The following NOP9 variants were observed in gnomAD, a reference collection of about 807,000 sequenced individuals.
The protein encoded by NOP9 is nucleolar protein 9.
Under a neutral mutation model 63.0 loss-of-function variants are expected in NOP9, and 50 were observed. The ratio of observed to expected loss-of-function variants is 0.79; its 90% confidence interval spans 0.63 to 1.00. The LOEUF is 1.00. Among genes scored for constraint, NOP9 ranks in the 50% least tolerant of loss-of-function variants. The pLI is 0.00. For missense variants in NOP9, 758 were observed against 803.0 expected (o/e 0.94, Z 0.68); for synonymous variants, 343 against 332.8 (o/e 1.03, Z -0.33).
rs1187609916 is a variant in NOP9, at chr14:24,304,480, T to G, written c.1648-13T>G. On this transcript the variant is annotated splice_polypyrimidine_tract_variant and intron_variant, in intron 8 of 9. Transcript: ENST00000267425. The stretch of plus-strand genomic sequence containing the variant: ...TTTTGCTAGGGAGACCTACTTTGCT[T>G]GTCTCCATACAGGGACAATATGTGG... 6.3e-7 allele frequency: 1 copy of G among 1,587,890 alleles called. No homozygotes were observed. The highest frequency in any genetic ancestry group is 8.5e-7 in the Non-Finnish European group (1 of 1,169,628).
chr14:24,307,327 T>G lies in NOP9; in HGVS notation c.*2232T>G. 5 of 1,580,076 alleles carry G rather than the reference T, an allele frequency of 3.2e-6. No individual in the cohort carries two copies. Among genetic ancestry groups the G allele is most frequent in the Non-Finnish European group, 3.4e-6 (4 of 1,160,572 alleles). On this transcript the variant is annotated 3_prime_UTR_variant, in exon 10 of 10. Transcript: ENST00000267425. ...CAAGTTGCCACTGTTGTGGAGCCCC[T>G]TGGCTACCCCTGCTATAGGAACCGA...
chr14:24,293,023 G>C, the NOP9 span: 2 of 492,514 alleles, frequency 4.1e-6, no homozygotes, highest in Admixed American at 4.0e-5. Flanking sequence ...GAACGCAAGA[G>C]CCCTGTCACA....
the NOP9 span, chr14:24,293,727 G>A: frequency 1.3e-5 from 2 of 151,798 alleles, no homozygotes; most frequent in African/African-American, 4.8e-5. Context: ...GGTGGCTTAT[G>A]CCTGTAATCC....
chr14:24,282,836 G>A, the NOP9 span, among the ~76,000 whole-genome samples: 132 of 152,272 alleles, frequency 8.7e-4, no homozygotes, highest in African/African-American at 3.1e-3. Context: ...TCCACTGCTG[G>A]CATTTAAGTC....
the NOP9 span, among the ~76,000 whole-genome samples, chr14:24,273,764 A>T: frequency 2.6e-5 from 4 of 152,180 alleles, no homozygotes; most frequent in Non-Finnish European, 2.9e-5. Flanking sequence ...AAGAACATGG[A>T]TCCTGGAGCC....
chr14:24,303,704 G>C (rs774987469), intron 6 of NOP9, 28 bp from the exon 7 acceptor site: 4 of 1,603,392 alleles, frequency 2.5e-6, no homozygotes, highest in East Asian at 4.5e-5. Context: ...AAGTTCTCAG[G>C]TTCATCATAT....
the NOP9 span, among the ~76,000 whole-genome samples, chr14:24,282,333 A>G: frequency 8.3e-4 from 126 of 152,356 alleles, 1 homozygote; most frequent in Non-Finnish European, 1.4e-3. Flanking sequence ...TAAGTTACTT[A>G]GAATTTCTGA....
chr14:24,273,473 CCCG>C, the NOP9 span, among the ~76,000 whole-genome samples: 2 of 152,342 alleles, frequency 1.3e-5, no homozygotes, highest in African/African-American at 4.8e-5. Context: ...GCCACCATGC[CCCG>C]CCAGTGCTTT....
Position 24,307,381 on chromosome 14 carries a change from A to G in NOP9, c.*2286A>G. 6.2e-7 allele frequency: 1 copy of G among 1,613,510 alleles called. No homozygotes were observed. The highest frequency in any genetic ancestry group is 8.5e-7 in the Non-Finnish European group (1 of 1,179,704). ...ACTTGGCCTACTTACTTTGGCTAGC[A>G]GCTCCTGGCGGGTGGCAGCTGTCAG... On this transcript the variant is annotated 3_prime_UTR_variant, in exon 10 of 10. Coordinates refer to ENST00000267425, the MANE Select transcript of NOP9 (RefSeq NM_174913.3).
In NOP9 at chr14:24,306,406, A is replaced by G. The variant is rs896819486; in HGVS notation, c.*1311A>G. ...GGGCTCCAGCTCTGACCAGACTGCA[A>G]CACCATCAGGCACGTGTCATCCTCC... On this transcript the variant is annotated 3_prime_UTR_variant, in exon 10 of 10. Coordinates refer to ENST00000267425, the MANE Select transcript of NOP9 (RefSeq NM_174913.3). 1.5e-5 allele frequency: 25 copies of G among 1,614,256 alleles called. No individual in the cohort carries two copies. The highest frequency in any genetic ancestry group is 2.0e-5 in the Non-Finnish European group (24 of 1,180,052).
chr14:24,296,407 G>C (rs2041247538), upstream of NOP9: 2 of 1,122,742 alleles, frequency 1.8e-6, no homozygotes, highest in Admixed American at 1.8e-5. Flanking sequence ...GAAAGAGATG[G>C]GGGAGGCCGG....
the NOP9 span, among the ~76,000 whole-genome samples, chr14:24,284,370 A>G: frequency 6.6e-6 from 1 of 152,314 alleles, no homozygotes; most frequent in South Asian, 2.1e-4. Flanking sequence ...AGTGCTGAGC[A>G]CACAGGAGGC....
chr14:24,292,681 T>C, the NOP9 span: 1 of 1,614,168 alleles, frequency 6.2e-7, no homozygotes, highest in Non-Finnish European at 8.5e-7. Context: ...TAGGGGACAT[T>C]GAACATATAC....
At chr14:24,273,207 C>G in the NOP9 span, among the ~76,000 whole-genome samples, 1 of 142,732 alleles carries the variant, frequency 7.0e-6, no homozygotes, top group Non-Finnish European at 1.5e-5. Flanking sequence ...GAGACAGGGT[C>G]TCACTCTGTT....
At chr14:24,290,124 AG>A in the NOP9 span, among the ~76,000 whole-genome samples, 5 of 152,350 alleles carry the variant, frequency 3.3e-5, no homozygotes, top group South Asian at 8.3e-4. Flanking sequence ...GCAGCTCTAT[AG>A]GGCTCATGCA....
the NOP9 span, chr14:24,292,847 C>T: frequency 1.3e-6 from 2 of 1,543,780 alleles, no homozygotes; most frequent in Admixed American, 2.2e-5. Context: ...GTGCCACAGC[C>T]TCTGGCGGCT....
the NOP9 span, among the ~76,000 whole-genome samples, chr14:24,276,644 G>A: frequency 6.6e-6 from 1 of 152,170 alleles, no homozygotes; most frequent in African/African-American, 2.4e-5. Context: ...GGACAGAGCA[G>A]GTCTCTTGGG....
chr14:24,304,195 C>T lies in NOP9; in HGVS notation c.1565C>T (p.Ala522Val). 6.2e-7 allele frequency: 1 copy of T among 1,614,244 alleles called. No homozygotes were observed. Reference sequence around the variant, plus strand: ...CTTCTGTCCCTTGCCCAAAGTCCCGCTGGCTCTCATGTGCTCGATGCCATC... The same window carrying T: ...CTTCTGTCCCTTGCCCAAAGTCCCGTTGGCTCTCATGTGCTCGATGCCATC... Reference protein sequence around the residue: ...PQLLSLAQSPAGSHVLDAILT... With the variant: ...PQLLSLAQSPVGSHVLDAILT... The change falls in exon 8 of 10, where the codon GCT becomes GTT. Residue 522 changes from alanine to valine, a missense_variant. Physicochemically the swap from Ala to Val is moderately conservative, Grantham distance 64. Coordinates refer to ENST00000267425, the MANE Select transcript of NOP9 (RefSeq NM_174913.3).
At chr14:24,271,233 G>A in the NOP9 span, 6 of 1,325,554 alleles carry the variant, frequency 4.5e-6, no homozygotes, top group Non-Finnish European at 6.1e-6. Flanking sequence ...GCTGTGTCCG[G>A]AAGCAGCAAG....
Sources: allele counts gnomAD v4.1 joint callset (sites outside exome capture counted in the v4.1 genomes callset), GRCh38; gene constraint gnomAD v4.1.1; transcripts MANE v1.5; gene names NCBI Gene and HGNC (gene_info 2026-07-23, HGNC 2026-07-21).